Variants in MAF observed in about 807,000 individuals in gnomAD.
MAF encodes transcription factor Maf.
A neutral mutation model predicts 22.0 loss-of-function variants in MAF; 10 were observed. The ratio of observed to expected loss-of-function variants is 0.45; its 90% CI spans 0.28 to 0.77. The LOEUF is 0.77. Ranked by LOEUF, MAF falls within the 30% of genes least tolerant of loss-of-function variation. MAF has a pLI of 0.12. For missense variants in MAF, 544 were observed against 548.4 expected (o/e 0.99, Z 0.08); for synonymous variants, 337 against 255.8 (o/e 1.32, Z -3.03).
the MAF span, among the ~76,000 whole-genome samples, chr16:79,421,054 G>C: frequency 2.6e-5 from 4 of 151,184 alleles, no homozygotes; most frequent in Admixed American, 6.6e-5. Context: ...AAAAAAAATT[G>C]AGAGAGAGAG....
the MAF span, among the ~76,000 whole-genome samples, chr16:79,531,528 T>A: frequency 6.6e-6 from 1 of 152,096 alleles, no homozygotes; most frequent in Non-Finnish European, 1.5e-5. Context: ...GCTAAGCTTG[T>A]TTTCTTGCCA....
the MAF span, among the ~76,000 whole-genome samples, chr16:79,458,482 C>T: frequency 1.3e-5 from 2 of 152,110 alleles, no homozygotes; most frequent in African/African-American, 4.8e-5. Context: ...AAAATATTTA[C>T]AATTTACAAT....
chr16:79,253,435 C>G, the MAF span, among the ~76,000 whole-genome samples: 1 of 152,174 alleles, frequency 6.6e-6, no homozygotes, highest in Non-Finnish European at 1.5e-5. Context: ...CAACTCCTCC[C>G]CTAGGTTCCC....
chr16:79,395,444 G>T, the MAF span, among the ~76,000 whole-genome samples: 1 of 152,320 alleles, frequency 6.6e-6, no homozygotes, highest in East Asian at 1.9e-4. Context: ...GCTCTTTGGA[G>T]TTGTAGTGAG....
chr16:79,316,122 G>A, the MAF span, among the ~76,000 whole-genome samples: 2 of 152,176 alleles, frequency 1.3e-5, no homozygotes, highest in African/African-American at 2.4e-5. Context: ...AACAGAGCCC[G>A]ACTCTACCTC....
the MAF span, among the ~76,000 whole-genome samples, chr16:79,461,365 C>T: frequency 1.3e-5 from 2 of 152,168 alleles, no homozygotes; most frequent in Non-Finnish European, 2.9e-5. Context: ...TGTCTCTCTA[C>T]GGCAGCTCTC....
At chr16:79,280,415 C>T in the MAF span, among the ~76,000 whole-genome samples, 1 of 152,222 alleles carries the variant, frequency 6.6e-6, no homozygotes, top group Non-Finnish European at 1.5e-5. Flanking sequence ...TTGGCAAATA[C>T]ATGTTCGCAA....
At chr16:79,338,912 A>G in the MAF span, among the ~76,000 whole-genome samples, 3 of 152,166 alleles carry the variant, frequency 2.0e-5, no homozygotes, top group East Asian at 5.8e-4. Context: ...TCTCTCTTCC[A>G]TGACATGGAG....
the MAF span, among the ~76,000 whole-genome samples, chr16:79,438,112 G>A: frequency 3.3e-5 from 5 of 152,160 alleles, no homozygotes; most frequent in East Asian, 5.8e-4. Flanking sequence ...GCCCCGTGGC[G>A]TTGGGGGGGC....
At chr16:79,212,827 T>G in the MAF span, 1 of 152,174 alleles carries the variant, frequency 6.6e-6, no homozygotes, top group Non-Finnish European at 1.5e-5. Context: ...CTGAGTGAGT[T>G]TGTGTTTTGT....
chr16:79,547,566 C>T, the MAF span, among the ~76,000 whole-genome samples: 2 of 152,004 alleles, frequency 1.3e-5, no homozygotes, highest in African/African-American at 2.4e-5. Context: ...AAAAGTTAAT[C>T]GTAAAGCAAT....
At chr16:79,497,628 T>C in the MAF span, among the ~76,000 whole-genome samples, 2 of 152,238 alleles carry the variant, frequency 1.3e-5, no homozygotes, top group African/African-American at 2.4e-5. Context: ...ACGAGGAATC[T>C]GGTGAGGTCT....
the MAF span, among the ~76,000 whole-genome samples, chr16:79,439,257 CT>C: frequency 0.027 from 3,515 of 130,756 alleles, 150 homozygotes; most frequent in East Asian, 0.11. Context: ...TAGGTACTTA[CT>C]TTTTTTTTTT....
chr16:79,575,473 T>C, the MAF span, among the ~76,000 whole-genome samples: 3 of 152,184 alleles, frequency 2.0e-5, no homozygotes, highest in Non-Finnish European at 4.4e-5. Context: ...GGACAAGAGA[T>C]GAACACCTGA....
the MAF span, among the ~76,000 whole-genome samples, chr16:79,495,400 T>C: frequency 6.6e-6 from 1 of 152,144 alleles, no homozygotes; most frequent in Non-Finnish European, 1.5e-5. Context: ...GAGGTCAAGG[T>C]TGCAGTGAAC....
At chr16:79,568,382 G>A in the MAF span, among the ~76,000 whole-genome samples, 2 of 152,166 alleles carry the variant, frequency 1.3e-5, no homozygotes, top group African/African-American at 4.8e-5. Flanking sequence ...TCAAATTCCT[G>A]TTCTATCTGG....
At chr16:79,443,872 G>A in the MAF span, among the ~76,000 whole-genome samples, 4 of 150,888 alleles carry the variant, frequency 2.7e-5, no homozygotes, top group Admixed American at 6.6e-5. Flanking sequence ...AAAAACACAC[G>A]GAATATGTCC....
the MAF span, among the ~76,000 whole-genome samples, chr16:79,386,202 T>C: frequency 6.6e-6 from 1 of 152,228 alleles, no homozygotes; most frequent in Non-Finnish European, 1.5e-5. Flanking sequence ...TTGTGCACTT[T>C]ATTTCTATTA....
chr16:79,565,204 T>G, the MAF span, among the ~76,000 whole-genome samples: 1 of 152,054 alleles, frequency 6.6e-6, no homozygotes, highest in Non-Finnish European at 1.5e-5. Flanking sequence ...GCAAGCTGGG[T>G]CTATGGGAGT....
Sources: gnomAD v4.1 joint callset for allele counts (sites outside exome capture counted in the v4.1 genomes callset) on GRCh38, gnomAD v4.1.1 for gene constraint, MANE v1.5 for transcripts, NCBI Gene and HGNC (gene_info 2026-07-23, HGNC 2026-07-21) for gene names.